PARVA: variants seen among roughly 807,000 people sequenced by gnomAD.
The protein encoded by PARVA is alpha-parvin.
A neutral mutation model predicts 52.6 loss-of-function variants in PARVA; 25 were observed. The observed-to-expected ratio is 0.48, with a 90% CI of 0.35 to 0.66. The LOEUF (loss-of-function observed/expected upper bound fraction) is 0.66, where lower values mean the gene tolerates loss of function less well. PARVA is among the 30% of genes least tolerant of loss of function. The probability of loss-of-function intolerance (pLI) is 0.01; values close to 1 mark genes in which losing one functional copy is unlikely to be tolerated. For missense variants in PARVA, 373 were observed against 450.9 expected, an observed-to-expected ratio of 0.83 and a Z score of 1.56; for synonymous variants, 185 against 179.1, an observed-to-expected ratio of 1.03 and a Z score of -0.26.
intron 12 of PARVA, among the ~76,000 whole-genome samples, chr11:12,525,212 T>TC (rs1270367879): frequency 2.6e-5 from 4 of 152,132 alleles, no homozygotes; most frequent in Admixed American, 2.0e-4. Flanking sequence ...TTTTGGACCT[T>TC]CTAAGGGAAA....
intron 1 of PARVA, among the ~76,000 whole-genome samples, chr11:12,449,588 ATTC>A (rs1165868309): frequency 6.6e-6 from 1 of 152,198 alleles, no homozygotes; most frequent in African/African-American, 2.4e-5. Flanking sequence ...CTAGCTCCGC[ATTC>A]TTCTTTCTTC....
Position 12,456,498 on chromosome 11 carries a change from G to C in PARVA, c.137-17247G>C, listed in dbSNP as rs117932853. ...CTGTTCCCAGCCATCCTACAGACTTGCAAAACTCTGCTTGTATCTTGTGGC... is the reference window on the plus strand; with the variant it reads ...CTGTTCCCAGCCATCCTACAGACTTCCAAAACTCTGCTTGTATCTTGTGGC... On this transcript the variant is annotated intron_variant, in intron 1 of 12. Coordinates refer to ENST00000334956, the MANE Select transcript of PARVA (RefSeq NM_018222.5). Among the ~76,000 whole-genome samples, 78 of 152,020 alleles carry C rather than the reference G, an allele frequency of 5.1e-4. 2 individuals carry two copies. In the East Asian group the frequency reaches 0.013, roughly 26 times the overall value.
Position 12,514,045 on chromosome 11 carries a change from G to A in PARVA, c.847G>A (p.Val283Ile). ...NKHLNKLNLE[V>I]TELETQFADG... ...GCACCTGAATAAACTGAACCTGGAG[G>A]TCACAGAACTGGAAACCCAGGTGGG... Residue 283 changes from valine (V) to isoleucine (I), a missense_variant, in exon 10 of 13, where the codon GTC becomes ATC. By Grantham distance (29) the Val-to-Ile change is conservative. Transcript: ENST00000334956. 2 of 1,613,944 alleles carry A rather than the reference G, an allele frequency of 1.2e-6. No individual in the cohort carries two copies. The highest frequency in any genetic ancestry group is 8.5e-7 in the Non-Finnish European group (1 of 1,179,836).
chr11:12,470,409 G>A (rs1233633756), intron 1 of PARVA, among the ~76,000 whole-genome samples: 1 of 152,116 alleles, frequency 6.6e-6, no homozygotes, highest in Admixed American at 6.5e-5. Flanking sequence ...CTTGGAGGTC[G>A]GCAATATTGC....
At chr11:12,404,009 T>TA (rs1939866367) in intron 1 of PARVA, among the ~76,000 whole-genome samples, 1 of 152,196 alleles carries the variant, frequency 6.6e-6, no homozygotes, top group African/African-American at 2.4e-5. Context: ...AGTTAACTGG[T>TA]ACCATATTTC....
intron 1 of PARVA, among the ~76,000 whole-genome samples, chr11:12,425,821 G>A (rs986353572): frequency 2.0e-5 from 3 of 152,214 alleles, no homozygotes; most frequent in African/African-American, 7.2e-5. Context: ...TTGAATAAGT[G>A]TGTTGAGGCG....
intron 6 of PARVA, among the ~76,000 whole-genome samples, chr11:12,505,253 C>T (rs756770949): frequency 1.2e-4 from 18 of 152,196 alleles, no homozygotes; most frequent in Admixed American, 5.2e-4. Flanking sequence ...ATCTAAGCAG[C>T]TCCCTGGCGA....
intron 4 of PARVA, among the ~76,000 whole-genome samples, chr11:12,486,728 C>T (rs1236909022): frequency 3.3e-5 from 5 of 151,964 alleles, no homozygotes; most frequent in Admixed American, 6.6e-5. Context: ...CGCCTGTAAT[C>T]CCAGCTTCTC....
At chr11:12,480,947 A>G (rs1489308552) in intron 4 of PARVA, 2 of 152,040 alleles carry the variant, frequency 1.3e-5, no homozygotes, top group African/African-American at 4.8e-5. Context: ...GTTTTGAGTG[A>G]GCACTCTGAC....
intron 1 of PARVA, among the ~76,000 whole-genome samples, chr11:12,464,117 A>G (rs1261135050): frequency 6.6e-6 from 1 of 152,096 alleles, no homozygotes; most frequent in Admixed American, 6.6e-5. Context: ...AGAAACGAAC[A>G]TCTGGGCTCT....
At chr11:12,474,435 C>T (rs1334871735) in intron 3 of PARVA, among the ~76,000 whole-genome samples, 2 of 152,038 alleles carry the variant, frequency 1.3e-5, no homozygotes, top group East Asian at 1.9e-4. Context: ...ACATACTGTG[C>T]ATTACGTACC....
chr11:12,531,458 T>C lies in PARVA; in HGVS notation c.*3533T>C, dbSNP rs955874830. ...ACTAGACTCTGAGACATGTATACAT[T>C]GTGGTTCAAATAGGAATCATCCATA... On this transcript the variant is annotated 3_prime_UTR_variant, in exon 13 of 13. Transcript: ENST00000334956. Among the ~76,000 whole-genome samples the C allele has an allele frequency of 2.0e-5, 3 of 152,184 alleles. No homozygotes were observed. The highest frequency in any genetic ancestry group is 1.3e-4 in the Admixed American group (2 of 15,276).
At chr11:12,394,883 C>T (rs181635348) in intron 1 of PARVA, among the ~76,000 whole-genome samples, 3 of 152,096 alleles carry the variant, frequency 2.0e-5, no homozygotes, top group Admixed American at 6.5e-5. Flanking sequence ...CCTGTGGTCA[C>T]GAATTCTAGA....
upstream of PARVA, chr11:12,376,880 C>G (rs1939396661): frequency 4.7e-6 from 1 of 212,088 alleles, no homozygotes; most frequent in Non-Finnish European, 8.1e-6. Flanking sequence ...GCGGGAAGTC[C>G]TGTAGGAGCT....
intron 4 of PARVA, among the ~76,000 whole-genome samples, chr11:12,483,174 C>T (rs547996369): frequency 2.5e-4 from 38 of 152,360 alleles, no homozygotes; most frequent in African/African-American, 9.1e-4. Context: ...TCTATCAGAA[C>T]AGCCTCTCCC....
intron 1 of PARVA, among the ~76,000 whole-genome samples, chr11:12,399,887 A>C (rs1452959281): frequency 6.6e-6 from 1 of 152,164 alleles, no homozygotes; most frequent in African/African-American, 2.4e-5. Context: ...ATAAAAATAC[A>C]TTGATTAAGT....
rs750238448 is a variant in PARVA at position 12,513,964 on chromosome 11, C to T, written c.799-33C>T. 3 of 1,596,864 alleles carry T rather than the reference C, an allele frequency of 1.9e-6. No homozygotes were observed. The African/African-American group carries it at 4.0e-5, about 21-fold the overall frequency. On this transcript the variant is annotated intron_variant, in intron 9 of 12. Transcript: ENST00000334956. Reference sequence around the variant, plus strand: ...ACAGGCTCCTGCACTAGTGCGAGTCCCCAGCTTAGGGCCTGCTTTGCTTCT... The same window carrying T: ...ACAGGCTCCTGCACTAGTGCGAGTCTCCAGCTTAGGGCCTGCTTTGCTTCT...
chr11:12,522,594 T>A (rs1270847457), intron 12 of PARVA, among the ~76,000 whole-genome samples: 2 of 151,952 alleles, frequency 1.3e-5, no homozygotes, highest in Non-Finnish European at 2.9e-5. Flanking sequence ...AATTTTTGTA[T>A]TTTTAGTAGA....
intron 1 of PARVA, among the ~76,000 whole-genome samples, chr11:12,450,133 C>A (rs1940603612): frequency 6.6e-6 from 1 of 152,042 alleles, no homozygotes; most frequent in Non-Finnish European, 1.5e-5. Flanking sequence ...AGTAACTTGC[C>A]CAAGGTCACA....
Sources: allele counts gnomAD v4.1 joint callset (sites outside exome capture counted in the v4.1 genomes callset), GRCh38; gene constraint gnomAD v4.1.1; transcripts MANE v1.5; gene names NCBI Gene and HGNC (gene_info 2026-07-23, HGNC 2026-07-21).